Variants in RHOBTB2 observed in about 807,000 individuals in gnomAD.
RHOBTB2 encodes rho-related BTB domain-containing protein 2.
In RHOBTB2, 39 loss-of-function variants were observed where a neutral mutation model predicts 66.5. The ratio of observed to expected loss-of-function variants is 0.59; its 90% CI spans 0.45 to 0.77. The LOEUF (loss-of-function observed/expected upper bound fraction) is 0.77. Ranked by LOEUF, RHOBTB2 falls within the 30% of genes least tolerant of loss-of-function variation. The pLI is 0.00. For missense variants in RHOBTB2, 755 were observed against 999.1 expected (o/e 0.76, Z 3.29); for synonymous variants, 390 against 395.0 (o/e 0.99, Z 0.15).
chr8:22,961,985 AAT>A, the RHOBTB2 span, among the ~76,000 whole-genome samples: 1 of 152,100 alleles, frequency 6.6e-6, no homozygotes, highest in African/African-American at 2.4e-5. Flanking sequence ...AGTTTCTCAG[AAT>A]ATATAAGTTT....
At chr8:23,005,582 G>C in intron 3 of RHOBTB2, 107 bp downstream of exon 3, 1 of 801,448 alleles carries the variant, frequency 1.2e-6, no homozygotes. Context: ...AAGAAGAAGT[G>C]GAGAAAACAG....
the RHOBTB2 span, among the ~76,000 whole-genome samples, chr8:22,956,590 G>T: frequency 2.6e-5 from 4 of 152,162 alleles, no homozygotes; most frequent in Non-Finnish European, 4.4e-5. Context: ...TTCCTGTACA[G>T]CCTGTGGAAT....
Position 23,018,649 on chromosome 8 carries a change from AAG to A in RHOBTB2, c.*1183_*1184del, listed in dbSNP as rs1366528203. ...GATTGAGGGGCCCGGGCTGGCGGCA[AAG>A]AGGGGTTTGGTCTCGGGGCTTAAAT... On this transcript the variant is annotated 3_prime_UTR_variant, in exon 10 of 10. Coordinates refer to ENST00000251822, the MANE Select transcript of RHOBTB2 (RefSeq NM_015178.3). 1 of 152,318 alleles carries A rather than the reference AAG, an allele frequency of 6.6e-6. No individual in the cohort carries two copies. The highest frequency in any genetic ancestry group is 2.4e-5 in the African/African-American group (1 of 41,426). 9.4% of individuals were successfully genotyped at this position (152,318 alleles called of 1,614,324 possible). A position where few individuals can be genotyped will look rare whatever the true frequency, so the allele number is the denominator to read the frequency against.
At chr8:22,972,209 G>A in the RHOBTB2 span, among the ~76,000 whole-genome samples, 8 of 152,112 alleles carry the variant, frequency 5.3e-5, no homozygotes, top group East Asian at 5.8e-4. Flanking sequence ...CACTAGGCAC[G>A]GCGCTTAGGG....
At chr8:22,985,907 C>T (rs1810278446), upstream of RHOBTB2, among the ~76,000 whole-genome samples, 1 of 151,314 alleles carries the variant, frequency 6.6e-6, no homozygotes, top group African/African-American at 2.5e-5. Flanking sequence ...CCACAGGAGT[C>T]AGCCCAGCAG....
Position 23,008,036 on chromosome 8 carries a change from GC to G in RHOBTB2, c.1549del (p.Leu517CysfsTer2). 1 of 1,613,782 alleles carries G rather than the reference GC, an allele frequency of 6.2e-7. No individual in the cohort carries two copies. Among genetic ancestry groups the G allele is most frequent in the Non-Finnish European group, 8.5e-7 (1 of 1,179,916 alleles). On this transcript the variant is annotated frameshift_variant, in exon 6 of 10. Transcript: ENST00000251822. LOFTEE classifies it high-confidence loss of function. The stretch of plus-strand genomic sequence containing the variant: ...ATGATGGCACCATCAGCGCCCACAA[GC>G]CCCTGTTGATTTCCAGCTGTGACTG... ...LDDGTISAHKPLLISSCDWMA... is the reference protein window; with the variant it reads ...LDDGTISAHKXLLISSCDWMA...
chr8:22,981,875 G>A, the RHOBTB2 span, among the ~76,000 whole-genome samples: 16 of 150,872 alleles, frequency 1.1e-4, no homozygotes, highest in Admixed American at 2.0e-4. Flanking sequence ...CTGCAGTGGC[G>A]CCTTGCTGCT....
the RHOBTB2 span, among the ~76,000 whole-genome samples, chr8:22,961,186 G>A: frequency 3.9e-5 from 6 of 152,104 alleles, no homozygotes. Flanking sequence ...ATGGGAGCGA[G>A]CCATTAAGTC....
At chr8:22,978,434 C>T in the RHOBTB2 span, among the ~76,000 whole-genome samples, 2 of 150,448 alleles carry the variant, frequency 1.3e-5, no homozygotes, top group Admixed American at 1.3e-4. Context: ...TTGCAGTGAG[C>T]CGAGATGGTG....
At chr8:22,989,959 G>A (rs781065316) in intron 1 of RHOBTB2, among the ~76,000 whole-genome samples, 12 of 152,034 alleles carry the variant, frequency 7.9e-5, no homozygotes, top group Non-Finnish European at 1.8e-4. Flanking sequence ...TGCCAAATGC[G>A]GATAAGAATA....
chr8:23,008,182 C>T (rs1278363605), intron 6 of RHOBTB2, 71 bp downstream of exon 6: 1 of 1,042,124 alleles, frequency 9.6e-7, no homozygotes, highest in Non-Finnish European at 1.4e-6. Flanking sequence ...GAGGCACTGC[C>T]ACTCAGGGTA....
chr8:22,953,814 T>A, the RHOBTB2 span, among the ~76,000 whole-genome samples: 1 of 152,332 alleles, frequency 6.6e-6, no homozygotes, highest in Admixed American at 6.5e-5. Flanking sequence ...CCTCACGATG[T>A]TGAAAAGCTT....
At chr8:22,993,722 C>T (rs1255278352) in intron 2 of RHOBTB2, among the ~76,000 whole-genome samples, 1 of 152,202 alleles carries the variant, frequency 6.6e-6, no homozygotes, top group Non-Finnish European at 1.5e-5. Context: ...GGCTTCCCTG[C>T]CCCTGAAGGG....
At chr8:23,011,976 C>G (rs1393046861) in intron 7 of RHOBTB2, among the ~76,000 whole-genome samples, 2 of 152,158 alleles carry the variant, frequency 1.3e-5, no homozygotes, top group African/African-American at 4.8e-5. Context: ...AATCATTGAT[C>G]AGAACCAGAA....
upstream of RHOBTB2, among the ~76,000 whole-genome samples, chr8:22,997,859 G>C (rs552661580): frequency 6.6e-6 from 1 of 152,196 alleles, no homozygotes; most frequent in Non-Finnish European, 1.5e-5. Flanking sequence ...TTTCTCTGGC[G>C]CAGGGGCTCT....
chr8:22,954,815 AC>A, the RHOBTB2 span, among the ~76,000 whole-genome samples: 1 of 152,348 alleles, frequency 6.6e-6, no homozygotes, highest in South Asian at 2.1e-4. Context: ...TATATCTAAA[AC>A]AAAAACCTTT....
At chr8:23,009,365 G>C (rs1000209745) in intron 6 of RHOBTB2, among the ~76,000 whole-genome samples, 5 of 152,114 alleles carry the variant, frequency 3.3e-5, no homozygotes, top group Admixed American at 6.5e-5. Context: ...ATTCTCTTAG[G>C]TTTGGTCTCT....
chr8:22,989,960 G>T (rs1348105644), intron 1 of RHOBTB2, among the ~76,000 whole-genome samples: 1 of 152,172 alleles, frequency 6.6e-6, no homozygotes, highest in Admixed American at 6.5e-5. Context: ...GCCAAATGCG[G>T]ATAAGAATAG....
chr8:22,967,993 C>G, the RHOBTB2 span, among the ~76,000 whole-genome samples: 13 of 152,002 alleles, frequency 8.6e-5, no homozygotes, highest in African/African-American at 2.9e-4. Context: ...CCCATCTCTA[C>G]AAAAATCACA....
Sources: allele counts gnomAD v4.1 joint callset (sites outside exome capture counted in the v4.1 genomes callset), GRCh38; gene constraint gnomAD v4.1.1; transcripts MANE v1.5; gene names NCBI Gene and HGNC (gene_info 2026-07-23, HGNC 2026-07-21).